The following DIAPH2 variants were observed in gnomAD, a reference collection of about 807,000 sequenced individuals.
DIAPH2 encodes protein diaphanous homolog 2.
A neutral mutation model predicts 92.7 loss-of-function variants in DIAPH2; 35 were observed. The ratio of observed to expected loss-of-function variants is 0.38; its 90% confidence interval spans 0.29 to 0.50. DIAPH2 has a LOEUF of 0.50. Among genes scored for constraint, DIAPH2 ranks in the 20% least tolerant of loss-of-function variants. The pLI, the probability that DIAPH2 is intolerant of heterozygous loss-of-function variation, is 0.94. For synonymous variants in DIAPH2, 301 were observed against 280.4 expected (o/e 1.07, Z -0.73); for missense variants, 701 against 819.5 (o/e 0.86, Z 1.77).
intron 22 of DIAPH2, among the ~76,000 whole-genome samples, chrX:97,154,708 C>T (rs915317812): frequency 3.6e-5 from 4 of 111,501 alleles, no homozygotes; most frequent in African/African-American, 1.3e-4. Context: ...TAACGCTATT[C>T]GTATGAGGAA....
At chrX:97,054,867 G>A (rs1469097740) in intron 17 of DIAPH2, among the ~76,000 whole-genome samples, 1 of 110,538 alleles carries the variant, frequency 9.0e-6, no homozygotes, top group Non-Finnish European at 1.9e-5. Flanking sequence ...GTAAAGGGGA[G>A]GAAAAAAATG....
chrX:97,368,294 T>C (rs1324456337), intron 24 of DIAPH2, among the ~76,000 whole-genome samples: 1 of 112,045 alleles, frequency 8.9e-6, no homozygotes, highest in African/African-American at 3.2e-5. Context: ...TGGATATAGT[T>C]ATATCCCTTA....
intron 17 of DIAPH2, among the ~76,000 whole-genome samples, chrX:97,007,762 T>C (rs181370345): frequency 0.021 from 1,701 of 82,710 alleles, 45 homozygotes; most frequent in African/African-American, 0.085. Flanking sequence ...TCTTTTTTTC[T>C]TTTTTTTTTT....
intron 19 of DIAPH2, among the ~76,000 whole-genome samples, chrX:97,081,472 A>G (rs1483324019): frequency 1.8e-5 from 2 of 112,444 alleles, no homozygotes; most frequent in East Asian, 5.6e-4. Flanking sequence ...GCTTTAAACA[A>G]TTAATTTTTT....
At chrX:96,993,317 C>T (rs2066083997) in intron 17 of DIAPH2, among the ~76,000 whole-genome samples, 1 of 111,858 alleles carries the variant, frequency 8.9e-6, no homozygotes, top group Non-Finnish European at 1.9e-5. Context: ...TCCTTATTTT[C>T]AAAAGAGAGG....
At chrX:97,511,642 G>C (rs1269221151) in intron 26 of DIAPH2, among the ~76,000 whole-genome samples, 1 of 109,594 alleles carries the variant, frequency 9.1e-6, no homozygotes, top group Non-Finnish European at 1.9e-5. Context: ...ATTGGCTGTG[G>C]GTTTGTCATA....
At chrX:97,317,791 T>C in intron 23 of DIAPH2, among the ~76,000 whole-genome samples, 1 of 112,159 alleles carries the variant, frequency 8.9e-6, no homozygotes. Context: ...ATCCTGACCT[T>C]GTCCGTGATT....
chrX:97,027,462 A>G (rs922245693), intron 17 of DIAPH2, among the ~76,000 whole-genome samples: 1 of 112,157 alleles, frequency 8.9e-6, no homozygotes, highest in Admixed American at 9.5e-5. Context: ...TCATCAAGTA[A>G]TAAAATATAA....
At chrX:97,281,458 A>T (rs1227834284) in intron 23 of DIAPH2, among the ~76,000 whole-genome samples, 1 of 110,989 alleles carries the variant, frequency 9.0e-6, no homozygotes, top group African/African-American at 3.3e-5. Flanking sequence ...ACATACAAAG[A>T]AGGAGGCCGG....
chrX:96,948,920 T>G lies in DIAPH2; in HGVS notation c.1510-15T>G. The G allele has an allele frequency of 2.7e-6, 3 of 1,097,974 alleles. No homozygotes were observed. The highest frequency in any genetic ancestry group is 3.7e-6 in the Non-Finnish European group (3 of 803,742). The allele number at this position is 1,097,974 out of a possible 1,213,427, so 90.5% of individuals were successfully genotyped here. A position where few individuals can be genotyped will look rare whatever the true frequency, so the allele number is the denominator to read the frequency against. On this transcript the variant is annotated splice_polypyrimidine_tract_variant and intron_variant, in intron 14 of 26. Coordinates refer to ENST00000324765, the MANE Select transcript of DIAPH2 (RefSeq NM_006729.5). ...AACTATATTATTAACTGTACATTGA[T>G]GGTGATCATTGCAGTTCGATGAAGA... is the stretch of plus-strand genomic sequence containing the variant.
chrX:96,887,921 G>A (rs915752046), intron 5 of DIAPH2, among the ~76,000 whole-genome samples: 1 of 110,781 alleles, frequency 9.0e-6, no homozygotes, highest in African/African-American at 3.3e-5. Context: ...TATCTCCCAA[G>A]TACTGTTCTA....
In DIAPH2 at chrX:97,080,402, C is replaced by A. The variant is rs997515031; in HGVS notation, c.2247+5141C>A. On this transcript the variant is annotated intron_variant, in intron 19 of 26. Coordinates refer to ENST00000324765, the MANE Select transcript of DIAPH2 (RefSeq NM_006729.5). ...TCCATACCTGGAAACTACAGAAATA[C>A]CTCCATAGATGTTTCTCTACGATGC... Among the ~76,000 whole-genome samples the A allele has an allele frequency of 8.2e-5, 9 of 109,855 alleles. No individual in the cohort carries two copies. In the East Asian group the frequency reaches 2.0e-3, roughly 24 times the overall value.
At chrX:96,711,972 CTAAAG>C (rs2063921178) in intron 1 of DIAPH2, among the ~76,000 whole-genome samples, 1 of 111,437 alleles carries the variant, frequency 9.0e-6, no homozygotes, top group Admixed American at 9.6e-5. Context: ...CCTTGGCAAA[CTAAAG>C]TAATCACATG....
intron 17 of DIAPH2, among the ~76,000 whole-genome samples, chrX:96,977,776 C>T (rs950454658): frequency 2.7e-5 from 3 of 110,367 alleles, no homozygotes; most frequent in Non-Finnish European, 3.8e-5. Context: ...CTCTGCCTCC[C>T]GGGTTCAAGC....
intron 3 of DIAPH2, among the ~76,000 whole-genome samples, chrX:96,745,505 T>C (rs1166666480): frequency 8.9e-6 from 1 of 112,281 alleles, no homozygotes; most frequent in East Asian, 2.8e-4. Flanking sequence ...AAATTGAAAC[T>C]CTTGTTATAC....
At chrX:96,880,598 A>G (rs2065207078) in intron 4 of DIAPH2, among the ~76,000 whole-genome samples, 1 of 111,697 alleles carries the variant, frequency 9.0e-6, no homozygotes. Flanking sequence ...ATTTCCTATG[A>G]TAGTATATCC....
At chrX:97,192,309 A>AG (rs2067661198) in intron 22 of DIAPH2, among the ~76,000 whole-genome samples, 1 of 107,918 alleles carries the variant, frequency 9.3e-6, no homozygotes, top group Admixed American at 9.9e-5. Context: ...AAAAAAAAAA[A>AG]AAAAAGAAAA....
chrX:97,591,470 T>C (rs1456613269), intron 26 of DIAPH2, among the ~76,000 whole-genome samples: 1 of 112,245 alleles, frequency 8.9e-6, no homozygotes, highest in African/African-American at 3.2e-5. Flanking sequence ...CTTGTATTAA[T>C]GTCAAAATAC....
intron 4 of DIAPH2, among the ~76,000 whole-genome samples, chrX:96,835,824 G>A (rs2064882506): frequency 9.0e-6 from 1 of 110,511 alleles, no homozygotes; most frequent in African/African-American, 3.3e-5. Context: ...TTTCTTTTAC[G>A]TTTTTTGAGG....
Sources: gnomAD v4.1 joint callset for allele counts (sites outside exome capture counted in the v4.1 genomes callset) on GRCh38, gnomAD v4.1.1 for gene constraint, MANE v1.5 for transcripts, NCBI Gene and HGNC (gene_info 2026-07-23, HGNC 2026-07-21) for gene names.